SIDT1: variants seen among roughly 807,000 people sequenced by gnomAD.
SIDT1 encodes the protein SID1 transmembrane family, member 1.
In SIDT1, 101 loss-of-function variants were observed where a neutral mutation model predicts 107.5. The observed-to-expected ratio is 0.94, with a 90% confidence interval of 0.80 to 1.11. The LOEUF (loss-of-function observed/expected upper bound fraction) is 1.11, where lower values mean the gene tolerates loss of function less well. SIDT1 is among the 50% of genes least tolerant of loss of function. The pLI is 0.00. For missense variants in SIDT1, 1,076 were observed against 1,058.2 expected (o/e 1.02, Z -0.23); for synonymous variants, 395 against 398.2 (o/e 0.99, Z 0.10).
At chr3:113,623,192 TAAAAA>T (rs61454117) in intron 21 of SIDT1, among the ~76,000 whole-genome samples, 2,596 of 53,848 alleles carry the variant, frequency 0.048, 87 homozygotes, top group African/African-American at 0.15. Context: ...CCCCAACTCT[TAAAAA>T]AAAAAAAAAA....
chr3:113,551,711 T>C (rs1940255218), intron 1 of SIDT1, among the ~76,000 whole-genome samples: 1 of 152,168 alleles, frequency 6.6e-6, no homozygotes, highest in Admixed American at 6.5e-5. Context: ...GGGTTGATAC[T>C]AAGTAAAACT....
chr3:113,533,166 G>C lies in SIDT1; in HGVS notation c.145G>C (p.Asp49His). The C allele has an allele frequency of 6.3e-7, 1 of 1,578,832 alleles. No homozygotes were observed. The highest frequency in any genetic ancestry group is 8.6e-7 in the Non-Finnish European group (1 of 1,163,842). Residue 49 changes from aspartate to histidine, a missense_variant, in exon 1 of 25, where the codon GAT becomes CAT. Physicochemically the swap from Asp to His is moderately conservative, Grantham distance 81. Coordinates refer to ENST00000264852, the MANE Select transcript of SIDT1 (RefSeq NM_017699.3). Reference sequence around the variant, plus strand: ...CGACGCTGCCAGGGGCGCCGATTTCGATCATGTCTACAGCGGGGTGGTGAA... The same window carrying C: ...CGACGCTGCCAGGGGCGCCGATTTCCATCATGTCTACAGCGGGGTGGTGAA... ...PFDAARGADF[D>H]HVYSGVVNLS...
the SIDT1 span, among the ~76,000 whole-genome samples, chr3:113,634,735 C>T: frequency 6.6e-5 from 10 of 152,050 alleles, no homozygotes; most frequent in African/African-American, 2.2e-4. Flanking sequence ...ACCCAGGAGG[C>T]GTAGGTTGCA....
At chr3:113,596,175 G>A (rs12490723) in intron 10 of SIDT1, among the ~76,000 whole-genome samples, 18,311 of 152,208 alleles carry the variant, frequency 0.12, 1,391 homozygotes, top group Middle Eastern at 0.27. Context: ...GACTTAATAC[G>A]GTCTCTGCCC....
chr3:113,582,076 T>C (rs922043170), intron 6 of SIDT1, among the ~76,000 whole-genome samples: 1 of 152,188 alleles, frequency 6.6e-6, no homozygotes, highest in Admixed American at 6.5e-5. Context: ...TTAAACATAT[T>C]CTAATAATCT....
chr3:113,605,122 C>CTTTTTTTT, intron 14 of SIDT1, 146 bp downstream of exon 14: 13 of 306,948 alleles, frequency 4.2e-5, no homozygotes, highest in South Asian at 2.5e-4. Context: ...CTATTGCTTC[C>CTTTTTTTT]TCTTTTTTTT....
At chr3:113,575,813 A>C (rs1465378229) in intron 3 of SIDT1, among the ~76,000 whole-genome samples, 1 of 152,196 alleles carries the variant, frequency 6.6e-6, no homozygotes, top group Non-Finnish European at 1.5e-5. Flanking sequence ...TGAAAGAAAA[A>C]TTAGAGTGGA....
intron 21 of SIDT1, chr3:113,620,029 A>T: frequency 4.7e-6 from 1 of 214,364 alleles, no homozygotes; most frequent in Non-Finnish European, 9.4e-6. Flanking sequence ...GAATGGTTAG[A>T]TAGATAGATA....
rs1364769388 is a variant in SIDT1 at position 113,532,628 on chromosome 3, T to C, written c.-394T>C. ...TTTTCGAGACTAGCGGGTATTTCTT[T>C]TTAATGACTCCAATGCCTTTTTATT... On this transcript the variant is annotated 5_prime_UTR_variant, in exon 1 of 25. Transcript: ENST00000264852. 2 of 178,334 alleles carry C rather than the reference T, an allele frequency of 1.1e-5. No individual in the cohort carries two copies. The highest frequency in any genetic ancestry group is 1.3e-4 in the Admixed American group (2 of 15,948). 11.0% of individuals were successfully genotyped at this position (178,334 alleles called of 1,614,324 possible).
intron 9 of SIDT1, among the ~76,000 whole-genome samples, chr3:113,586,640 GA>G (rs1279660628): frequency 6.6e-6 from 1 of 152,030 alleles, no homozygotes; most frequent in Non-Finnish European, 1.5e-5. Context: ...AGTTAAAGTG[GA>G]AAAAATAGTA....
At chr3:113,580,813 C>A in intron 5 of SIDT1, 104 bp downstream of exon 5, 1 of 757,980 alleles carries the variant, frequency 1.3e-6, no homozygotes, top group Non-Finnish European at 2.3e-6. Context: ...CTGTGTATCT[C>A]CCTTCCAAAA....
intron 1 of SIDT1, among the ~76,000 whole-genome samples, chr3:113,555,422 A>C (rs1271069267): frequency 1.3e-5 from 2 of 152,226 alleles, no homozygotes; most frequent in Admixed American, 1.3e-4. Context: ...CTCTTACAGG[A>C]TAGGGAGTCA....
chr3:113,541,683 A>G (rs1172690857), intron 1 of SIDT1, among the ~76,000 whole-genome samples: 2 of 152,186 alleles, frequency 1.3e-5, no homozygotes, highest in Non-Finnish European at 2.9e-5. Flanking sequence ...CATGTTTATA[A>G]CAGCCTATAT....
chr3:113,609,192 A>G (rs956928625), intron 17 of SIDT1, among the ~76,000 whole-genome samples: 2 of 149,976 alleles, frequency 1.3e-5, no homozygotes, highest in African/African-American at 4.9e-5. Context: ...CCTCCCCAGT[A>G]GCTGGGACTA....
intron 23 of SIDT1, 56 bp from the exon 24 acceptor site, chr3:113,626,046 C>A: frequency 1.6e-6 from 2 of 1,229,202 alleles, no homozygotes; most frequent in Non-Finnish European, 2.4e-6. Flanking sequence ...ACGTTCAACT[C>A]TTTGAACAGT....
intron 1 of SIDT1, among the ~76,000 whole-genome samples, chr3:113,557,479 T>C (rs1056113657): frequency 6.6e-6 from 1 of 152,038 alleles, no homozygotes; most frequent in South Asian, 2.1e-4. Flanking sequence ...AGAGGGAAAT[T>C]TGGACACAGG....
chr3:113,629,201 A>G lies in SIDT1; in HGVS notation c.*1493A>G, dbSNP rs1308613384. 6.6e-6 allele frequency: 1 copy of G among 152,258 alleles called. No homozygotes were observed. The highest frequency in any genetic ancestry group is 2.1e-4 in the South Asian group (1 of 4,836). The allele number at this position is 152,258 out of a possible 1,614,324, so 9.4% of individuals were successfully genotyped here. ...AAAAACCCATTTTAGAAGTTTGAAC[A>G]GCAAGCTTTTCCTGATTTTAAAAAC... On this transcript the variant is annotated 3_prime_UTR_variant, in exon 25 of 25. Coordinates refer to ENST00000264852, the MANE Select transcript of SIDT1 (RefSeq NM_017699.3).
In SIDT1 at chr3:113,626,112, C is replaced by T; in HGVS notation, c.2318C>T (p.Ala773Val). 6.2e-7 allele frequency: 1 copy of T among 1,613,684 alleles called. No homozygotes were observed. The highest frequency in any genetic ancestry group is 8.5e-7 in the Non-Finnish European group (1 of 1,179,632). Residue 773 changes from alanine to valine, a missense_variant, in exon 24 of 25, where the codon GCC becomes GTC. Coordinates refer to ENST00000264852, the MANE Select transcript of SIDT1 (RefSeq NM_017699.3). The part of the protein sequence containing the change: ...QNLSSWEGTP[A>V]ESREKNRECI... ...CTCACCTTCCTCCAGGGAACTCCGG[C>T]CGAATCCCGGGAGAAGAACCGCGAG...
intron 10 of SIDT1, among the ~76,000 whole-genome samples, chr3:113,601,166 G>T (rs186568255): frequency 1.1e-4 from 16 of 152,228 alleles, no homozygotes; most frequent in African/African-American, 3.9e-4. Context: ...TTCTTTATGG[G>T]GGAAATTAAT....
Sources: allele counts gnomAD v4.1 joint callset (sites outside exome capture counted in the v4.1 genomes callset), GRCh38; gene constraint gnomAD v4.1.1; transcripts MANE v1.5; gene names NCBI Gene and HGNC (gene_info 2026-07-23, HGNC 2026-07-21).